Variants in HAVCR1 observed in about 807,000 individuals in gnomAD.
HAVCR1 encodes the protein T cell immunoglobin domain and mucin domain protein 1.
HAVCR1 carries 34 observed loss-of-function variants against 32.0 expected under a neutral mutation model. The observed-to-expected ratio is 1.06, with a 90% confidence interval of 0.81 to 1.42. The LOEUF (loss-of-function observed/expected upper bound fraction) is 1.42. Ranked by LOEUF, HAVCR1 falls within the 40% of genes most tolerant of loss-of-function variation. The pLI, the probability that HAVCR1 is intolerant of heterozygous loss-of-function variation, is 0.00. For synonymous variants in HAVCR1, 178 were observed against 170.3 expected (o/e 1.05, Z -0.35); for missense variants, 420 against 442.3 (o/e 0.95, Z 0.45).
chr5:157,058,903 A>T lies in HAVCR1; in HGVS notation c.-13+18T>A, dbSNP rs1756392656. ...TCAAGAGAATGCTTCAGGAAACAGA[A>T]GTCTGGAGCAGACTTACGTTCAGAT... On this transcript the variant is annotated intron_variant, in intron 1 of 8. Transcript: ENST00000523175. The T allele has an allele frequency of 6.6e-6, 1 of 152,230 alleles. No homozygotes were observed. Among genetic ancestry groups the T allele is most frequent in the African/African-American group, 2.4e-5 (1 of 41,458 alleles). The allele number at this position is 152,230 out of a possible 1,614,324, so 9.4% of individuals were successfully genotyped here.
rs1181459100 is a variant in HAVCR1, at chr5:157,044,643, A to AAG, written c.782-1963_782-1962dup. 2.1e-4 allele frequency among the ~76,000 whole-genome samples: 26 copies of AAG among 123,118 alleles called. 1 individual carries two copies. The highest frequency in any genetic ancestry group is 3.9e-4 in the Non-Finnish European group (23 of 59,678). 80.8% of individuals were successfully genotyped at this position (123,118 alleles called of 152,430 possible). ...AAAGAAAGAAAGAAAGAAAGAAAGA[A>AAG]AGAAAGAAAGAAAGAAAGAAAGAAA... On this transcript the variant is annotated intron_variant, in intron 5 of 8. Coordinates refer to ENST00000523175, the MANE Select transcript of HAVCR1 (RefSeq NM_001173393.3).
rs1467830805 is a variant in HAVCR1, at chr5:157,055,432, C to T, written c.148G>A (p.Gly50Ser). Residue 50 changes from glycine (G) to serine (S), a missense_variant, in exon 3 of 9, where the codon GGC becomes AGC. Gly to Ser is a moderately conservative substitution (Grantham distance 56, BLOSUM62 0). Coordinates refer to ENST00000523175, the MANE Select transcript of HAVCR1 (RefSeq NM_001173393.3). ...TGGCATGTGAATAGAGAACATGAGC[C>T]TCTATTCCAGCACATGGATGTGACA... ...GAVTSMCWNRGSCSLFTCQNG... is the reference protein window; with the variant it reads ...GAVTSMCWNRSSCSLFTCQNG... The T allele has an allele frequency of 1.9e-6, 3 of 1,612,298 alleles. No individual in the cohort carries two copies. Among genetic ancestry groups the T allele is most frequent in the Non-Finnish European group, 1.7e-6 (2 of 1,178,326 alleles).
intron 5 of HAVCR1, among the ~76,000 whole-genome samples, chr5:157,046,609 T>C (rs1252760653): frequency 1.3e-5 from 2 of 152,156 alleles, no homozygotes; most frequent in African/African-American, 2.4e-5. Context: ...ATAGCTTAGA[T>C]TGGGTAATTT....
chr5:157,042,888 C>G (rs554492603), intron 5 of HAVCR1, among the ~76,000 whole-genome samples: 3 of 152,224 alleles, frequency 2.0e-5, no homozygotes, highest in African/African-American at 7.2e-5. Context: ...CTTTCTGTCA[C>G]CGGCTCTTTG....
intron 5 of HAVCR1, among the ~76,000 whole-genome samples, chr5:157,046,544 T>C (rs1277642128): frequency 6.6e-6 from 1 of 152,186 alleles, no homozygotes; most frequent in Non-Finnish European, 1.5e-5. Context: ...TCTTTGATGT[T>C]GGTGTGGGTG....
At chr5:157,043,227 G>C (rs549955374) in intron 5 of HAVCR1, among the ~76,000 whole-genome samples, 107 of 152,272 alleles carry the variant, frequency 7.0e-4, no homozygotes, top group Non-Finnish European at 1.2e-3. Context: ...ATCTAGAAGT[G>C]CTTTAGAAAA....
At chr5:157,044,639 A>G (rs1581702070) in intron 5 of HAVCR1, among the ~76,000 whole-genome samples, 1 of 112,576 alleles carries the variant, frequency 8.9e-6, no homozygotes, top group African/African-American at 3.9e-5. Context: ...GAAAGAAAGA[A>G]AGAAAGAAAG....
At chr5:157,068,435 TA>T in the HAVCR1 span, among the ~76,000 whole-genome samples, 1 of 151,716 alleles carries the variant, frequency 6.6e-6, no homozygotes, top group African/African-American at 2.4e-5. Flanking sequence ...AAAATTTTTT[TA>T]ATTAGCCGGG....
chr5:157,052,314 A>C (rs755651191), intron 4 of HAVCR1, 47 bp downstream of exon 4: 1 of 1,553,952 alleles, frequency 6.4e-7, no homozygotes, highest in South Asian at 1.1e-5. Flanking sequence ...GATGGTCCGC[A>C]GCTCCTCATT....
At chr5:157,040,406 G>A (rs889146601) in intron 6 of HAVCR1, among the ~76,000 whole-genome samples, 1 of 152,236 alleles carries the variant, frequency 6.6e-6, no homozygotes, top group African/African-American at 2.4e-5. Flanking sequence ...ATACATGGTG[G>A]TAGTTCTGAT....
At chr5:157,048,951 C>T (rs1581711467) in intron 5 of HAVCR1, 87 bp downstream of exon 5, 1 of 786,766 alleles carries the variant, frequency 1.3e-6, no homozygotes, top group East Asian at 2.4e-5. Context: ...TCAGATCAGT[C>T]GTATTCCAGA....
At chr5:157,040,056 T>A (rs77668501) in intron 6 of HAVCR1, among the ~76,000 whole-genome samples, 4 of 152,178 alleles carry the variant, frequency 2.6e-5, no homozygotes, top group African/African-American at 4.8e-5. Context: ...CCCAGCACTT[T>A]GGAAGGCCAA....
chr5:157,037,143 G>T, intron 7 of HAVCR1, 104 bp downstream of exon 7: 1 of 735,206 alleles, frequency 1.4e-6, no homozygotes, highest in South Asian at 1.5e-5. Context: ...GGAGACAAAG[G>T]GAAGTCGTGT....
At chr5:157,035,069 G>A (rs565011197) in intron 7 of HAVCR1, among the ~76,000 whole-genome samples, 122 of 152,120 alleles carry the variant, frequency 8.0e-4, no homozygotes, top group Non-Finnish European at 1.6e-3. Flanking sequence ...AAAGAAAAGG[G>A]TATTTAAGCT....
intron 7 of HAVCR1, among the ~76,000 whole-genome samples, chr5:157,036,314 T>TA (rs748855909): frequency 2.0e-4 from 31 of 151,562 alleles, no homozygotes; most frequent in Admixed American, 4.6e-4. Flanking sequence ...CCATCTCTAC[T>TA]AAAAAATACA....
intron 4 of HAVCR1, among the ~76,000 whole-genome samples, chr5:157,051,186 T>C (rs1755714909): frequency 6.6e-6 from 1 of 152,182 alleles, no homozygotes; most frequent in African/African-American, 2.4e-5. Context: ...ATCAACTATA[T>C]GGCCTGAACT....
At chr5:157,056,570 C>T (rs1756163093) in intron 2 of HAVCR1, among the ~76,000 whole-genome samples, 2 of 151,488 alleles carry the variant, frequency 1.3e-5, no homozygotes, top group Admixed American at 1.3e-4. Flanking sequence ...TTAGTAGAGA[C>T]GGGGTTTCAC....
At chr5:157,067,509 A>T in the HAVCR1 span, among the ~76,000 whole-genome samples, 4,019 of 152,246 alleles carry the variant, frequency 0.026, 85 homozygotes, top group African/African-American at 0.053. Flanking sequence ...TACAAAAAAT[A>T]AAAATAAAAA....
At chr5:157,050,433 A>C (rs896569068) in intron 4 of HAVCR1, among the ~76,000 whole-genome samples, 2 of 152,204 alleles carry the variant, frequency 1.3e-5, no homozygotes, top group African/African-American at 4.8e-5. Context: ...CTGAGCAGGG[A>C]AGATTGGATG....
Sources: allele counts gnomAD v4.1 joint callset (sites outside exome capture counted in the v4.1 genomes callset), GRCh38; gene constraint gnomAD v4.1.1; transcripts MANE v1.5; gene names NCBI Gene and HGNC (gene_info 2026-07-23, HGNC 2026-07-21).